Variants in GRIN2B observed in about 807,000 individuals in gnomAD.
GRIN2B encodes glutamate receptor ionotropic, NMDA 2B.
Under a neutral mutation model 114.5 loss-of-function variants are expected in GRIN2B, and 5 were observed. The observed-to-expected ratio is 0.04, with a 90% CI of 0.02 to 0.09. The LOEUF (loss-of-function observed/expected upper bound fraction) is 0.09. Among genes scored for constraint, GRIN2B ranks in the 10% least tolerant of loss-of-function variants. GRIN2B has a pLI of 1.00. For missense variants in GRIN2B, 1,108 were observed against 1,943.5 expected (o/e 0.57, Z 8.08); for synonymous variants, 787 against 745.1 (o/e 1.06, Z -0.92).
intron 5 of GRIN2B, among the ~76,000 whole-genome samples, chr12:13,649,811 C>T (rs189343692): frequency 6.3e-4 from 96 of 152,042 alleles, no homozygotes; most frequent in Non-Finnish European, 9.0e-4. Context: ...CCTCTGGCCC[C>T]CTGGTTTTCT....
In GRIN2B at chr12:13,700,420, C is replaced by T. The variant is rs558321279; in HGVS notation, c.1011-24561G>A. On this transcript the variant is annotated intron_variant, in intron 4 of 13. Transcript: ENST00000609686. ...AAAAATGACTGCAATTTCTCTATCA[C>T]TTTCTCCATCAAGAGGTAGTCTACT... is the stretch of plus-strand genomic sequence containing the variant. 3.3e-5 allele frequency among the ~76,000 whole-genome samples: 5 copies of T among 152,302 alleles called. No homozygotes were observed. The South Asian group carries it at 1.0e-3, about 32-fold the overall frequency.
chr12:13,646,280 C>T (rs1186407667), intron 5 of GRIN2B, among the ~76,000 whole-genome samples: 2 of 152,162 alleles, frequency 1.3e-5, no homozygotes, highest in African/African-American at 4.8e-5. Flanking sequence ...TCTCTTCCTC[C>T]AACTCTATCT....
chr12:13,709,314 C>T (rs1398580713), intron 4 of GRIN2B, among the ~76,000 whole-genome samples: 2 of 151,768 alleles, frequency 1.3e-5, no homozygotes, highest in Non-Finnish European at 1.5e-5. Context: ...TCGGCTTGTA[C>T]AAGAAAAAAA....
chr12:13,605,687 C>T (rs1252697367), intron 10 of GRIN2B, among the ~76,000 whole-genome samples: 1 of 151,852 alleles, frequency 6.6e-6, no homozygotes, highest in Non-Finnish European at 1.5e-5. Flanking sequence ...CTTTAAGAAG[C>T]CTAGAAATGG....
chr12:13,858,745 GA>G (rs2136737656), intron 3 of GRIN2B, among the ~76,000 whole-genome samples: 1 of 152,114 alleles, frequency 6.6e-6, no homozygotes, highest in South Asian at 2.1e-4. Flanking sequence ...TATGTTTTTA[GA>G]AAATGATCTT....
At chr12:13,664,008 T>C (rs1949950682) in intron 5 of GRIN2B, among the ~76,000 whole-genome samples, 1 of 152,196 alleles carries the variant, frequency 6.6e-6, no homozygotes, top group South Asian at 2.1e-4. Flanking sequence ...ATCCCCATTT[T>C]ACAGATGAAG....
chr12:13,585,381 G>A (rs552680063), intron 10 of GRIN2B, among the ~76,000 whole-genome samples: 1 of 152,282 alleles, frequency 6.6e-6, no homozygotes, highest in East Asian at 1.9e-4. Flanking sequence ...CCAAATTGAG[G>A]CACGGAAATG....
At chr12:13,842,090 A>C (rs762135442) in intron 3 of GRIN2B, among the ~76,000 whole-genome samples, 9 of 152,074 alleles carry the variant, frequency 5.9e-5, no homozygotes, top group Non-Finnish European at 2.9e-5. Context: ...TTGGCCAAAA[A>C]GGAGGCTTGA....
intron 10 of GRIN2B, among the ~76,000 whole-genome samples, chr12:13,603,707 A>G (rs1170082399): frequency 6.6e-6 from 1 of 152,084 alleles, no homozygotes; most frequent in Non-Finnish European, 1.5e-5. Flanking sequence ...GCATTACATT[A>G]AAGGATAGGG....
intron 10 of GRIN2B, among the ~76,000 whole-genome samples, chr12:13,581,444 G>A (rs1178502315): frequency 1.3e-5 from 2 of 152,150 alleles, no homozygotes; most frequent in Non-Finnish European, 2.9e-5. Context: ...GCTGCAGGAA[G>A]CACCCTCTCT....
chr12:13,972,096 G>A (rs1862932961), intron 2 of GRIN2B, among the ~76,000 whole-genome samples: 1 of 152,162 alleles, frequency 6.6e-6, no homozygotes, highest in Non-Finnish European at 1.5e-5. Context: ...CTCAAATATG[G>A]CTTCGCATTA....
At chr12:13,755,814 G>A (rs1863566011) in intron 3 of GRIN2B, among the ~76,000 whole-genome samples, 1 of 152,120 alleles carries the variant, frequency 6.6e-6, no homozygotes, top group Admixed American at 6.5e-5. Context: ...GTATCTGATG[G>A]TATCAAGAGA....
chr12:13,875,876 G>T (rs1186623027), intron 2 of GRIN2B, among the ~76,000 whole-genome samples: 2 of 152,146 alleles, frequency 1.3e-5, no homozygotes, highest in African/African-American at 4.8e-5. Context: ...CCATGGGCCA[G>T]GGAACCTGCT....
At chr12:13,941,537 G>A (rs560122541) in intron 2 of GRIN2B, among the ~76,000 whole-genome samples, 2 of 152,298 alleles carry the variant, frequency 1.3e-5, no homozygotes, top group African/African-American at 4.8e-5. Flanking sequence ...CTGTGGGGTA[G>A]GATGGAGGAT....
chr12:13,538,262 C>G lies in GRIN2B; in HGVS notation c.*24521G>C, dbSNP rs1948235684. 1 of 152,170 alleles carries G rather than the reference C, an allele frequency of 6.6e-6. No individual in the cohort carries two copies. Among genetic ancestry groups the G allele is most frequent in the African/African-American group, 2.4e-5 (1 of 41,432 alleles). The allele number at this position is 152,170 out of a possible 1,614,324, so 9.4% of individuals were successfully genotyped here. ...GACTGGTCTTACTGATAGTCCCTTG[C>G]AGTGGACTTCAGGGTGGCACAAGGG... On this transcript the variant is annotated 3_prime_UTR_variant, in exon 14 of 14. Transcript: ENST00000609686.
At chr12:13,585,311 G>T (rs1948904184) in intron 10 of GRIN2B, among the ~76,000 whole-genome samples, 1 of 152,200 alleles carries the variant, frequency 6.6e-6, no homozygotes, top group Admixed American at 6.5e-5. Context: ...TCCAGTGACA[G>T]GCAAGGCAGG....
chr12:13,724,927 A>G (rs1250000242), intron 4 of GRIN2B, among the ~76,000 whole-genome samples: 1 of 152,144 alleles, frequency 6.6e-6, no homozygotes, highest in Admixed American at 6.6e-5. Flanking sequence ...GCATTCTACT[A>G]TGGTGTCTAG....
At chr12:13,572,417 G>T (rs1383615856) in intron 10 of GRIN2B, among the ~76,000 whole-genome samples, 1 of 152,184 alleles carries the variant, frequency 6.6e-6, no homozygotes, top group Non-Finnish European at 1.5e-5. Flanking sequence ...CCTTAGTGAG[G>T]TGAGCTATGT....
chr12:13,913,826 C>G (rs2136803133), intron 2 of GRIN2B, among the ~76,000 whole-genome samples: 1 of 152,248 alleles, frequency 6.6e-6, no homozygotes, highest in Middle Eastern at 3.4e-3. Context: ...TGACCTTAGA[C>G]AACTTACTTT....
Sources: gnomAD v4.1 joint callset for allele counts (sites outside exome capture counted in the v4.1 genomes callset) on GRCh38, gnomAD v4.1.1 for gene constraint, MANE v1.5 for transcripts, NCBI Gene and HGNC (gene_info 2026-07-23, HGNC 2026-07-21) for gene names.